KCNH1: variants seen among roughly 807,000 people sequenced by gnomAD.
KCNH1 encodes potassium voltage-gated channel subfamily H member 1.
A neutral mutation model predicts 69.2 loss-of-function variants in KCNH1; 27 were observed. The observed-to-expected ratio is 0.39, with a 90% CI of 0.29 to 0.54. KCNH1 has a LOEUF of 0.54. Ranked by LOEUF, KCNH1 falls within the 20% of genes least tolerant of loss-of-function variation. The pLI is 0.68. For missense variants in KCNH1, 798 were observed against 1,261.6 expected (o/e 0.63, Z 5.57); for synonymous variants, 456 against 487.7 (o/e 0.93, Z 0.86).
At chr1:211,121,770 G>T (rs1161299061) in intron 1 of KCNH1, among the ~76,000 whole-genome samples, 1 of 152,142 alleles carries the variant, frequency 6.6e-6, no homozygotes, top group Admixed American at 6.5e-5. Flanking sequence ...GAAAATTTTT[G>T]CAATCTAGTC....
At chr1:210,879,554 A>G (rs1370420408) in intron 7 of KCNH1, among the ~76,000 whole-genome samples, 2 of 152,066 alleles carry the variant, frequency 1.3e-5, no homozygotes, top group East Asian at 3.8e-4. Context: ...ACAAAATCCA[A>G]TACTTATTTC....
chr1:210,714,094 C>A (rs953194694), intron 10 of KCNH1, among the ~76,000 whole-genome samples: 2 of 152,196 alleles, frequency 1.3e-5, no homozygotes, highest in African/African-American at 4.8e-5. Flanking sequence ...GAGAAGAGGT[C>A]TTCTCCTATC....
chr1:211,052,318 T>G (rs1011171065), intron 5 of KCNH1, among the ~76,000 whole-genome samples: 1 of 152,214 alleles, frequency 6.6e-6, no homozygotes, highest in Non-Finnish European at 1.5e-5. Flanking sequence ...TCATTTTCAA[T>G]GTACCATGAA....
intron 10 of KCNH1, among the ~76,000 whole-genome samples, chr1:210,748,046 G>A (rs1318870751): frequency 6.6e-6 from 1 of 152,206 alleles, no homozygotes; most frequent in Admixed American, 6.5e-5. Flanking sequence ...CACGTGCCTT[G>A]GCTCTGCTCA....
At chr1:210,765,723 A>G (rs888519904) in intron 10 of KCNH1, among the ~76,000 whole-genome samples, 8 of 152,190 alleles carry the variant, frequency 5.3e-5, no homozygotes, top group African/African-American at 1.9e-4. Context: ...ACAAAGAAGG[A>G]AAGATGTCTC....
chr1:210,718,665 C>CTTT (rs1682369523), intron 10 of KCNH1, among the ~76,000 whole-genome samples: 1 of 87,138 alleles, frequency 1.1e-5, no homozygotes, highest in African/African-American at 6.1e-5. Context: ...CACACACACA[C>CTTT]ACACACACAC....
intron 10 of KCNH1, among the ~76,000 whole-genome samples, chr1:210,709,739 AGAAAGAGAGAG>A (rs1682018002): frequency 9.0e-5 from 7 of 78,188 alleles, no homozygotes; most frequent in African/African-American, 2.0e-4. Context: ...AGAGAGAGAG[AGAAAGAGAGAG>A]AGAGAGAGAG....
intron 1 of KCNH1, among the ~76,000 whole-genome samples, chr1:211,111,265 C>T (rs924997797): frequency 1.3e-5 from 2 of 152,208 alleles, no homozygotes; most frequent in Non-Finnish European, 2.9e-5. Flanking sequence ...ATTACAGCCC[C>T]ATCTAAGAAA....
intron 6 of KCNH1, among the ~76,000 whole-genome samples, chr1:210,951,833 G>A (rs972961890): frequency 1.3e-5 from 2 of 152,080 alleles, no homozygotes; most frequent in African/African-American, 4.8e-5. Context: ...CCTTCATCCT[G>A]TTAAATGAAA....
At chr1:211,107,896 A>G (rs1467143897) in intron 1 of KCNH1, among the ~76,000 whole-genome samples, 1 of 152,214 alleles carries the variant, frequency 6.6e-6, no homozygotes, top group Non-Finnish European at 1.5e-5. Context: ...TTCCTCATGG[A>G]CACACACAGC....
chr1:211,078,613 A>G (rs891258555), intron 5 of KCNH1, among the ~76,000 whole-genome samples: 2 of 152,252 alleles, frequency 1.3e-5, no homozygotes, highest in Non-Finnish European at 2.9e-5. Flanking sequence ...GGACACATTT[A>G]AAGCAGTATG....
chr1:211,121,635 A>T (rs1342509519), intron 1 of KCNH1, among the ~76,000 whole-genome samples: 1 of 152,226 alleles, frequency 6.6e-6, no homozygotes, highest in African/African-American at 2.4e-5. Context: ...AGACTTCATG[A>T]CAAAAACGCC....
At chr1:210,688,845 T>A (rs559880635) in intron 10 of KCNH1, among the ~76,000 whole-genome samples, 1 of 152,164 alleles carries the variant, frequency 6.6e-6, no homozygotes, top group East Asian at 1.9e-4. Flanking sequence ...TCTGGAGAGG[T>A]TGTTCCACTG....
At chr1:210,825,106 T>G (rs891243147) in intron 7 of KCNH1, among the ~76,000 whole-genome samples, 3 of 152,246 alleles carry the variant, frequency 2.0e-5, no homozygotes, top group Non-Finnish European at 2.9e-5. Context: ...TTCCTTGAAG[T>G]GATGGGTTCA....
In KCNH1 at chr1:210,710,631, T is replaced by A. The variant is rs1682049310; in HGVS notation, c.2113-26493A>T. ...TAGGCAGTGCCTGACTATCTTCTTA[T>A]CCCTATTTTACAGAATGAAGAGGTG... On this transcript the variant is annotated intron_variant, in intron 10 of 10. Transcript: ENST00000271751. Among the ~76,000 whole-genome samples the A allele has an allele frequency of 3.3e-5, 5 of 152,166 alleles. No homozygotes were observed. In the South Asian group the frequency reaches 1.0e-3, roughly 32 times the overall value.
intron 6 of KCNH1, among the ~76,000 whole-genome samples, chr1:210,952,772 C>T (rs941458295): frequency 6.6e-6 from 1 of 152,136 alleles, no homozygotes; most frequent in Non-Finnish European, 1.5e-5. Flanking sequence ...GTAGCTAAGG[C>T]TTCCATGTAC....
At chr1:210,745,779 A>G (rs115200394) in intron 10 of KCNH1, among the ~76,000 whole-genome samples, 3,810 of 151,942 alleles carry the variant, frequency 0.025, 112 homozygotes, top group East Asian at 0.14. Flanking sequence ...AAGGCTTTTC[A>G]GGGGAGGCCT....
chr1:211,123,563 A>G (rs188372154), intron 1 of KCNH1, among the ~76,000 whole-genome samples: 125 of 152,282 alleles, frequency 8.2e-4, no homozygotes, highest in African/African-American at 2.8e-3. Flanking sequence ...AGAGACAGTG[A>G]TGAAGACAGA....
chr1:210,754,109 C>T (rs555255790), intron 10 of KCNH1, among the ~76,000 whole-genome samples: 20 of 151,708 alleles, frequency 1.3e-4, no homozygotes, highest in East Asian at 1.2e-3. Context: ...TTAGTAGAGA[C>T]GGGGTTTCAC....
Sources: gnomAD v4.1 joint callset for allele counts (sites outside exome capture counted in the v4.1 genomes callset) on GRCh38, gnomAD v4.1.1 for gene constraint, MANE v1.5 for transcripts, NCBI Gene and HGNC (gene_info 2026-07-23, HGNC 2026-07-21) for gene names.